LRFN2: variants seen among roughly 807,000 people sequenced by gnomAD.
LRFN2 encodes leucine-rich repeat and fibronectin type-III domain-containing protein 2.
Under a neutral mutation model 37.3 loss-of-function variants are expected in LRFN2, and 18 were observed. The observed-to-expected ratio is 0.48, with a 90% CI of 0.33 to 0.72. The LOEUF (loss-of-function observed/expected upper bound fraction) is 0.72. Among genes scored for constraint, LRFN2 ranks in the 30% least tolerant of loss-of-function variants. The pLI is 0.02. For synonymous variants in LRFN2, 556 were observed against 466.6 expected (o/e 1.19, Z -2.47); for missense variants, 1,006 against 1,060.7 (o/e 0.95, Z 0.72).
At chr6:40,423,443 T>C (rs1763276575) in intron 2 of LRFN2, among the ~76,000 whole-genome samples, 1 of 152,192 alleles carries the variant, frequency 6.6e-6, no homozygotes, top group Non-Finnish European at 1.5e-5. Flanking sequence ...GAACGCTCTT[T>C]CAAATACATG....
chr6:40,437,957 T>C (rs1055637502), intron 1 of LRFN2, among the ~76,000 whole-genome samples: 3 of 152,078 alleles, frequency 2.0e-5, no homozygotes, highest in Non-Finnish European at 4.4e-5. Flanking sequence ...AACAAAGAGA[T>C]AAATGAAAGT....
At chr6:40,465,512 G>A (rs540565022) in intron 1 of LRFN2, among the ~76,000 whole-genome samples, 1 of 152,230 alleles carries the variant, frequency 6.6e-6, no homozygotes, top group Non-Finnish European at 1.5e-5. Context: ...GCCTCTTGAA[G>A]TCACCCCCAG....
intron 1 of LRFN2, among the ~76,000 whole-genome samples, chr6:40,495,917 C>T (rs1765214417): frequency 1.3e-5 from 2 of 152,138 alleles, no homozygotes; most frequent in Admixed American, 6.5e-5. Context: ...AATACACATC[C>T]CACTGCCAAC....
At chr6:40,522,982 G>T (rs1040347645) in intron 1 of LRFN2, among the ~76,000 whole-genome samples, 1 of 152,186 alleles carries the variant, frequency 6.6e-6, no homozygotes, top group Non-Finnish European at 1.5e-5. Flanking sequence ...AGACACACAG[G>T]CACTAGGCCA....
intron 1 of LRFN2, among the ~76,000 whole-genome samples, chr6:40,556,278 C>A (rs1422681215): frequency 2.0e-5 from 3 of 152,228 alleles, no homozygotes; most frequent in Admixed American, 6.5e-5. Context: ...CAGCAGGGAC[C>A]CAGCCCCGAC....
At chr6:40,554,396 T>C (rs1394768146) in intron 1 of LRFN2, among the ~76,000 whole-genome samples, 1 of 151,878 alleles carries the variant, frequency 6.6e-6, no homozygotes, top group East Asian at 1.9e-4. Flanking sequence ...GAATGCAAGA[T>C]GGATGGAGGG....
chr6:40,450,464 A>T (rs1764078330), intron 1 of LRFN2, among the ~76,000 whole-genome samples: 1 of 152,222 alleles, frequency 6.6e-6, no homozygotes, highest in African/African-American at 2.4e-5. Flanking sequence ...GCACATTGCA[A>T]GGGAGAGAGG....
intron 1 of LRFN2, among the ~76,000 whole-genome samples, chr6:40,522,632 G>A (rs986746247): frequency 3.3e-5 from 5 of 152,140 alleles, no homozygotes; most frequent in East Asian, 1.9e-4. Flanking sequence ...CGAGGGGACC[G>A]TATAAATTTT....
At chr6:40,418,940 T>C (rs1763156216) in intron 2 of LRFN2, among the ~76,000 whole-genome samples, 1 of 152,182 alleles carries the variant, frequency 6.6e-6, no homozygotes, top group South Asian at 2.1e-4. Flanking sequence ...CCAGTGATTC[T>C]CAAAGTAAAG....
intron 1 of LRFN2, among the ~76,000 whole-genome samples, chr6:40,509,368 G>A (rs373982070): frequency 6.6e-6 from 1 of 152,250 alleles, no homozygotes; most frequent in East Asian, 1.9e-4. Flanking sequence ...CTGAGATGTC[G>A]GGCAATTTTT....
intron 1 of LRFN2, among the ~76,000 whole-genome samples, chr6:40,517,707 C>A (rs1257150349): frequency 6.6e-6 from 1 of 152,164 alleles, no homozygotes; most frequent in African/African-American, 2.4e-5. Context: ...CTGTGCAAAG[C>A]CTAATTAGGG....
At chr6:40,527,455 G>A (rs1766274070) in intron 1 of LRFN2, among the ~76,000 whole-genome samples, 1 of 152,192 alleles carries the variant, frequency 6.6e-6, no homozygotes. Context: ...AGACAGCAAG[G>A]GGTCGGACCA....
intron 2 of LRFN2, among the ~76,000 whole-genome samples, chr6:40,395,817 G>A (rs752940656): frequency 6.6e-6 from 1 of 152,102 alleles, no homozygotes; most frequent in Non-Finnish European, 1.5e-5. Flanking sequence ...GGAGGCCACC[G>A]TCAGTCTGCT....
At chr6:40,424,298 G>C (rs375078926) in intron 2 of LRFN2, among the ~76,000 whole-genome samples, 31 of 152,122 alleles carry the variant, frequency 2.0e-4, no homozygotes, top group Admixed American at 1.4e-3. Flanking sequence ...CTTCCAGAAG[G>C]CTACTCCATA....
intron 1 of LRFN2, among the ~76,000 whole-genome samples, chr6:40,495,947 A>G (rs1352727524): frequency 6.6e-6 from 1 of 152,142 alleles, no homozygotes; most frequent in Non-Finnish European, 1.5e-5. Flanking sequence ...CCACTTGGAT[A>G]TCTATTGGGC....
Position 40,420,244 on chromosome 6 carries a change from G to A in LRFN2, c.1400+11470C>T, listed in dbSNP as rs368374081. On this transcript the variant is annotated intron_variant, in intron 2 of 2. Transcript: ENST00000338305. ...CCGGGGTGGCCCATCGCGTCCTGTG[G>A]TTTTGTGCCATTCTTCCTGCCCCAC... 1.5e-3 allele frequency among the ~76,000 whole-genome samples: 227 copies of A among 152,336 alleles called. 8 individuals carry two copies. The South Asian group carries it at 0.046, about 31-fold the overall frequency.
chr6:40,547,201 T>C (rs1766681830), intron 1 of LRFN2, among the ~76,000 whole-genome samples: 1 of 151,092 alleles, frequency 6.6e-6, no homozygotes, highest in Admixed American at 6.6e-5. Context: ...GCTTCCTGGG[T>C]TCAAGCAATT....
At chr6:40,446,498 A>G (rs1039698920) in intron 1 of LRFN2, among the ~76,000 whole-genome samples, 20 of 152,176 alleles carry the variant, frequency 1.3e-4, no homozygotes, top group African/African-American at 4.6e-4. Context: ...CTCACTGCCA[A>G]TGGCCTTGCT....
intron 1 of LRFN2, among the ~76,000 whole-genome samples, chr6:40,547,030 A>T (rs1766675593): frequency 6.6e-6 from 1 of 152,222 alleles, no homozygotes; most frequent in Non-Finnish European, 1.5e-5. Flanking sequence ...GTGGGGATTC[A>T]AGAAACTGCA....
Sources: allele counts gnomAD v4.1 joint callset (sites outside exome capture counted in the v4.1 genomes callset), GRCh38; gene constraint gnomAD v4.1.1; transcripts MANE v1.5; gene names NCBI Gene and HGNC (gene_info 2026-07-23, HGNC 2026-07-21).